Variants in SLIT3 observed in about 807,000 individuals in gnomAD.
SLIT3 encodes the protein slit homolog 3 protein.
SLIT3 carries 68 observed loss-of-function variants against 184.0 expected under a neutral mutation model. The observed-to-expected ratio is 0.37, with a 90% CI of 0.30 to 0.45. The LOEUF (loss-of-function observed/expected upper bound fraction) is 0.45. Ranked by LOEUF, SLIT3 falls within the 20% of genes least tolerant of loss-of-function variation. SLIT3 has a pLI of 1.00. For synonymous variants in SLIT3, 831 were observed against 828.6 expected (o/e 1.00, Z -0.05); for missense variants, 1,707 against 2,026.0 (o/e 0.84, Z 3.02).
intron 1 of SLIT3, among the ~76,000 whole-genome samples, chr5:169,299,752 C>A (rs1767624267): frequency 1.3e-5 from 2 of 152,214 alleles, no homozygotes; most frequent in East Asian, 1.9e-4. Flanking sequence ...ATTCTCCAAG[C>A]GCCTCTCCAT....
At chr5:168,727,906 G>A (rs1763182736) in intron 20 of SLIT3, among the ~76,000 whole-genome samples, 1 of 152,192 alleles carries the variant, frequency 6.6e-6, no homozygotes, top group Non-Finnish European at 1.5e-5. Flanking sequence ...GGACAGTGTG[G>A]CTATGGGGAG....
chr5:168,939,125 TAAA>T (rs1762254704), intron 4 of SLIT3, among the ~76,000 whole-genome samples: 2 of 152,214 alleles, frequency 1.3e-5, no homozygotes, highest in Non-Finnish European at 1.5e-5. Flanking sequence ...AAACACAGAC[TAAA>T]AGAACCCAAT....
chr5:169,283,557 A>T (rs549831170), intron 1 of SLIT3, among the ~76,000 whole-genome samples: 1 of 152,330 alleles, frequency 6.6e-6, no homozygotes, highest in South Asian at 2.1e-4. Context: ...ATGACATCCC[A>T]ATAATGAAAG....
intron 5 of SLIT3, among the ~76,000 whole-genome samples, chr5:168,867,357 C>T (rs1038986080): frequency 1.3e-5 from 2 of 152,140 alleles, no homozygotes; most frequent in South Asian, 2.1e-4. Context: ...TGACAAGAGT[C>T]GAGATGGTGC....
At chr5:168,878,623 C>T (rs13187833) in intron 5 of SLIT3, among the ~76,000 whole-genome samples, 46,927 of 151,940 alleles carry the variant, frequency 0.31, 7,876 homozygotes, top group Non-Finnish European at 0.37. Flanking sequence ...GTTGCAGAGG[C>T]CTAGGCCTAA....
chr5:169,154,962 G>A (rs1161387581), intron 4 of SLIT3, among the ~76,000 whole-genome samples: 1 of 152,164 alleles, frequency 6.6e-6, no homozygotes, highest in Non-Finnish European at 1.5e-5. Flanking sequence ...ATGGTAAAAA[G>A]AATGCTTTCC....
intron 28 of SLIT3, among the ~76,000 whole-genome samples, chr5:168,695,818 A>G (rs1762046234): frequency 6.6e-6 from 1 of 152,148 alleles, no homozygotes; most frequent in African/African-American, 2.4e-5. Context: ...CTTTCTAATG[A>G]ATCCACGCCT....
chr5:169,220,098 C>T (rs116838929), intron 3 of SLIT3, among the ~76,000 whole-genome samples: 1,587 of 152,196 alleles, frequency 0.01, 26 homozygotes, highest in African/African-American at 0.036. Flanking sequence ...CCTCTTTAGA[C>T]CCAGCACCAC....
In SLIT3 at chr5:169,079,105, G is replaced by A. The variant is rs1033337500; in HGVS notation, c.413+114374C>T. Reference sequence around the variant, plus strand: ...CGAGACAGAGACAGTGACAGAGACAGAAAAGCAGATCCTTGGCTACTCATC... The same window carrying A: ...CGAGACAGAGACAGTGACAGAGACAAAAAAGCAGATCCTTGGCTACTCATC... On this transcript the variant is annotated intron_variant, in intron 4 of 35. Coordinates refer to ENST00000519560, the MANE Select transcript of SLIT3 (RefSeq NM_003062.4). Among the ~76,000 whole-genome samples the A allele has an allele frequency of 3.3e-5, 5 of 152,194 alleles. No individual in the cohort carries two copies. In the South Asian group the frequency reaches 1.0e-3, roughly 32 times the overall value.
chr5:168,717,667 CTTTT>C (rs753109811), intron 23 of SLIT3, among the ~76,000 whole-genome samples: 1 of 146,456 alleles, frequency 6.8e-6, no homozygotes, highest in African/African-American at 2.5e-5. Flanking sequence ...TCTGTCTTTT[CTTTT>C]TTTTTTTGAG....
chr5:169,191,226 A>G (rs1234621982), intron 4 of SLIT3, among the ~76,000 whole-genome samples: 1 of 152,198 alleles, frequency 6.6e-6, no homozygotes. Context: ...CTTTAGGCCT[A>G]TATCATTCAT....
At chr5:169,098,497 T>C (rs1759875938) in intron 4 of SLIT3, among the ~76,000 whole-genome samples, 1 of 152,218 alleles carries the variant, frequency 6.6e-6, no homozygotes. Flanking sequence ...GAGGACTCCA[T>C]TTTATCAGTG....
chr5:168,678,591 G>A (rs1761485901), intron 32 of SLIT3, among the ~76,000 whole-genome samples: 1 of 152,088 alleles, frequency 6.6e-6, no homozygotes, highest in African/African-American at 2.4e-5. Context: ...GCTGAGGCAG[G>A]AGAATCACCT....
At chr5:169,034,598 T>C (rs935995829) in intron 4 of SLIT3, among the ~76,000 whole-genome samples, 1 of 152,304 alleles carries the variant, frequency 6.6e-6, no homozygotes, top group Non-Finnish European at 1.5e-5. Flanking sequence ...CAATATAAAA[T>C]TAACATGGCC....
At chr5:168,809,572 C>T (rs547014180) in intron 8 of SLIT3, among the ~76,000 whole-genome samples, 5 of 152,248 alleles carry the variant, frequency 3.3e-5, no homozygotes, top group African/African-American at 1.2e-4. Flanking sequence ...CTGTGGGCCA[C>T]GGAGAGCTAG....
At chr5:168,841,640 G>A (rs764218210) in intron 6 of SLIT3, among the ~76,000 whole-genome samples, 2 of 152,154 alleles carry the variant, frequency 1.3e-5, no homozygotes, top group Non-Finnish European at 2.9e-5. Flanking sequence ...CACCTCCAAT[G>A]TTCTCATTCA....
chr5:168,879,785 A>T (rs1759882365), intron 5 of SLIT3, among the ~76,000 whole-genome samples: 1 of 152,186 alleles, frequency 6.6e-6, no homozygotes, highest in South Asian at 2.1e-4. Flanking sequence ...ACCCAATGTG[A>T]TTACAACCCA....
chr5:169,203,480 C>T (rs1194893859), intron 3 of SLIT3, among the ~76,000 whole-genome samples: 1 of 152,118 alleles, frequency 6.6e-6, no homozygotes, highest in Non-Finnish European at 1.5e-5. Context: ...TTGGCAATCA[C>T]CAAAGCTGCA....
Position 169,211,277 on chromosome 5 carries a change from T to C in SLIT3, c.342-17727A>G, listed in dbSNP as rs193158023. The stretch of plus-strand genomic sequence containing the variant: ...ACTGAGTAATGCAGAGGAGGAGGGA[T>C]TGGGGTCTCATGACTGGTTCCCCTG... On this transcript the variant is annotated intron_variant, in intron 3 of 35. Coordinates refer to ENST00000519560, the MANE Select transcript of SLIT3 (RefSeq NM_003062.4). Among the ~76,000 whole-genome samples, 205 of 152,344 alleles carry C rather than the reference T, an allele frequency of 1.3e-3. 1 individual carries two copies. Among genetic ancestry groups the C allele is most frequent in the Non-Finnish European group, 2.1e-3 (141 of 68,034 alleles).
Sources: gnomAD v4.1 joint callset for allele counts (sites outside exome capture counted in the v4.1 genomes callset) on GRCh38, gnomAD v4.1.1 for gene constraint, MANE v1.5 for transcripts, NCBI Gene and HGNC (gene_info 2026-07-23, HGNC 2026-07-21) for gene names.